CUL5: variants seen among roughly 807,000 people sequenced by gnomAD.
CUL5 encodes the protein cullin 5.
A neutral mutation model predicts 108.8 loss-of-function variants in CUL5; 26 were observed. That is an observed-to-expected ratio of 0.24 (90% CI 0.18 to 0.33). The LOEUF (loss-of-function observed/expected upper bound fraction) is 0.33. Ranked by LOEUF, CUL5 falls within the 10% of genes least tolerant of loss-of-function variation. CUL5 has a pLI of 1.00. For synonymous variants in CUL5, 334 were observed against 298.0 expected (o/e 1.12, Z -1.25); for missense variants, 524 against 909.2 (o/e 0.58, Z 5.45).
chr11:108,104,456 C>A lies in CUL5; in HGVS notation c.*72C>A. Reference sequence around the variant, plus strand: ...TGGGCAGAAAGTTGTAAAGTTTGTGCTGGAGAAAGGTTTATTTGGACTTTG... The same window carrying A: ...TGGGCAGAAAGTTGTAAAGTTTGTGATGGAGAAAGGTTTATTTGGACTTTG... On this transcript the variant is annotated 3_prime_UTR_variant, in exon 19 of 19. Transcript: ENST00000393094. 1 of 955,014 alleles carries A rather than the reference C, an allele frequency of 1.0e-6. No homozygotes were observed. Among genetic ancestry groups the A allele is most frequent in the Non-Finnish European group, 1.5e-6 (1 of 651,278 alleles). The allele number at this position is 955,014 out of a possible 1,614,324, so 59.2% of individuals were successfully genotyped here.
chr11:108,053,353 T>C (rs1863284883), intron 5 of CUL5, among the ~76,000 whole-genome samples: 1 of 152,212 alleles, frequency 6.6e-6, no homozygotes, highest in African/African-American at 2.4e-5. Flanking sequence ...ATGTCTTTAC[T>C]GAACATAGAA....
Position 108,009,378 on chromosome 11 carries a change from A to T in CUL5, c.24+6A>T. 1 of 1,613,354 alleles carries T rather than the reference A, an allele frequency of 6.2e-7. No homozygotes were observed. The highest frequency in any genetic ancestry group is 8.5e-7 in the Non-Finnish European group (1 of 1,179,668). On this transcript the variant is annotated splice_donor_region_variant and intron_variant, in intron 1 of 18. Coordinates refer to ENST00000393094, the MANE Select transcript of CUL5 (RefSeq NM_003478.6). ...CGACGTCTAATCTGTTAAAGGTAAG[A>T]CCCTCACTCCAGCTTGGGTTTTACT...
In CUL5 at chr11:108,031,271, A is replaced by G. The variant is rs573541372; in HGVS notation, c.25-2531A>G. Among the ~76,000 whole-genome samples, 103 of 151,954 alleles carry G rather than the reference A, an allele frequency of 6.8e-4. 1 individual carries two copies. In the Middle Eastern group the frequency reaches 0.017, roughly 25 times the overall value. ...ATCTCAGCTACTCGGAGGCTGAGGCATGAAAATCACCTGACCCTGGGAGGT... is the reference window on the plus strand; with the variant it reads ...ATCTCAGCTACTCGGAGGCTGAGGCGTGAAAATCACCTGACCCTGGGAGGT... On this transcript the variant is annotated intron_variant, in intron 1 of 18. Transcript: ENST00000393094.
intron 1 of CUL5, among the ~76,000 whole-genome samples, chr11:108,022,780 G>A (rs1430280346): frequency 6.6e-6 from 1 of 152,132 alleles, no homozygotes; most frequent in African/African-American, 2.4e-5. Context: ...CTGAGCCGGT[G>A]GTTCAAGACT....
chr11:108,068,738 T>C (rs2135176211), intron 7 of CUL5, among the ~76,000 whole-genome samples: 1 of 152,236 alleles, frequency 6.6e-6, no homozygotes. Flanking sequence ...AGTAAATAAT[T>C]ACATGACACG....
intron 2 of CUL5, among the ~76,000 whole-genome samples, chr11:108,041,982 T>C (rs1862929339): frequency 6.6e-6 from 1 of 152,176 alleles, no homozygotes. Flanking sequence ...TTACTTTTGT[T>C]ATAGTAAACT....
At chr11:108,047,832 T>C (rs775957554) in intron 3 of CUL5, among the ~76,000 whole-genome samples, 8 of 152,220 alleles carry the variant, frequency 5.3e-5, no homozygotes, top group Non-Finnish European at 1.0e-4. Flanking sequence ...AAATTATGTT[T>C]ATTTCAGATA....
At chr11:108,054,305 C>T (rs1029560321) in intron 5 of CUL5, among the ~76,000 whole-genome samples, 5 of 152,194 alleles carry the variant, frequency 3.3e-5, no homozygotes, top group Non-Finnish European at 4.4e-5. Context: ...TATTTACTTA[C>T]CTTACTAATC....
rs553755409 is a variant in CUL5 at position 108,072,324 on chromosome 11, C to G, written c.875-8C>G. ...AAATGATTACATGAATGTGTTCTCTCCTTCCAGAATTACATTTAATGTTTT... is the reference window on the plus strand; with the variant it reads ...AAATGATTACATGAATGTGTTCTCTGCTTCCAGAATTACATTTAATGTTTT... On this transcript the variant is annotated splice_polypyrimidine_tract_variant and splice_region_variant and intron_variant, in intron 8 of 18. Transcript: ENST00000393094. 1 of 1,589,348 alleles carries G rather than the reference C, an allele frequency of 6.3e-7. No individual in the cohort carries two copies. Among genetic ancestry groups the G allele is most frequent in the African/African-American group, 1.3e-5 (1 of 74,098 alleles).
chr11:108,013,361 C>T (rs1346065330), intron 1 of CUL5, among the ~76,000 whole-genome samples: 1 of 152,200 alleles, frequency 6.6e-6, no homozygotes, highest in Non-Finnish European at 1.5e-5. Flanking sequence ...GATCTGAGCT[C>T]TAGATCAAAA....
intron 2 of CUL5, 79 bp from the exon 3 acceptor site, chr11:108,046,189 CTG>C (rs1863063539): frequency 4.0e-6 from 4 of 989,350 alleles, no homozygotes; most frequent in African/African-American, 3.3e-5. Context: ...CCCATGGAAA[CTG>C]TACTGAAATA....
At chr11:108,050,525 C>A (rs1863189174) in intron 4 of CUL5, among the ~76,000 whole-genome samples, 1 of 152,054 alleles carries the variant, frequency 6.6e-6, no homozygotes, top group Admixed American at 6.6e-5. Flanking sequence ...TGCTACCACA[C>A]CCGGCTATTT....
intron 1 of CUL5, among the ~76,000 whole-genome samples, chr11:108,030,248 A>G (rs1862545895): frequency 2.0e-5 from 3 of 152,262 alleles, no homozygotes; most frequent in African/African-American, 7.2e-5. Context: ...GATTCATTTA[A>G]GTCCATAAGG....
Position 108,014,563 on chromosome 11 carries a change from G to A in CUL5, c.24+5191G>A, listed in dbSNP as rs754460500. ...ATAAATAAAAGTTATTATATTTTCT[G>A]TATATTTATAATCTGCTTGTGAGAT... On this transcript the variant is annotated intron_variant, in intron 1 of 18. Transcript: ENST00000393094. Among the ~76,000 whole-genome samples, 67 of 152,278 alleles carry A rather than the reference G, an allele frequency of 4.4e-4. 1 individual carries two copies. Among genetic ancestry groups the A allele is most frequent in the Non-Finnish European group, 8.4e-4 (57 of 68,018 alleles).
At chr11:108,076,797 G>C (rs1242632732) in intron 10 of CUL5, among the ~76,000 whole-genome samples, 1 of 152,202 alleles carries the variant, frequency 6.6e-6, no homozygotes, top group African/African-American at 2.4e-5. Context: ...TATTGAATCA[G>C]AAGTAGAATG....
Position 108,105,550 on chromosome 11 carries a change from A to G in CUL5, c.*1166A>G, listed in dbSNP as rs1170345265. The G allele has an allele frequency of 6.6e-6, 1 of 152,266 alleles. No homozygotes were observed. Among genetic ancestry groups the G allele is most frequent in the Non-Finnish European group, 1.5e-5 (1 of 67,994 alleles). The allele number at this position is 152,266 out of a possible 1,614,324, so 9.4% of individuals were successfully genotyped here. On this transcript the variant is annotated 3_prime_UTR_variant, in exon 19 of 19. Transcript: ENST00000393094. Reference sequence around the variant, plus strand: ...TATATATTTATATATTTTAAAAATAAACATTTTTTAAATCGTCAGAAGGCA... The same window carrying G: ...TATATATTTATATATTTTAAAAATAGACATTTTTTAAATCGTCAGAAGGCA...
In CUL5 at chr11:108,106,137, G is replaced by C. The variant is rs997927252; in HGVS notation, c.*1753G>C. Reference sequence around the variant, plus strand: ...TACAGTTTTCTCTAATTAGGTGACTGTTCATAATGGGTATATTTGGAATTT... The same window carrying C: ...TACAGTTTTCTCTAATTAGGTGACTCTTCATAATGGGTATATTTGGAATTT... On this transcript the variant is annotated 3_prime_UTR_variant, in exon 19 of 19. Coordinates refer to ENST00000393094, the MANE Select transcript of CUL5 (RefSeq NM_003478.6). 6.6e-6 allele frequency: 1 copy of C among 152,414 alleles called. No individual in the cohort carries two copies. The highest frequency in any genetic ancestry group is 2.4e-5 in the African/African-American group (1 of 41,442). The allele number at this position is 152,414 out of a possible 1,614,324, so 9.4% of individuals were successfully genotyped here.
chr11:108,070,165 A>G lies in CUL5; in HGVS notation c.850A>G (p.Met284Val). ...GACTATCTTAGCTGAGTGCCAAGGC[A>G]TGATCAAGAGAAATGAAACTGAAAG... is the stretch of plus-strand genomic sequence containing the variant. The part of the protein sequence containing the change: ...KETILAECQG[M>V]IKRNETEKLH... The change falls in exon 8 of 19, where the codon ATG becomes GTG. Residue 284 changes from methionine to valine, a missense_variant. Met to Val is a conservative substitution (Grantham distance 21). This residue lies in a region of CUL5 where 170 missense variants were observed against 305.1 expected (regional missense o/e 0.56). Coordinates refer to ENST00000393094, the MANE Select transcript of CUL5 (RefSeq NM_003478.6). The G allele has an allele frequency of 6.2e-7, 1 of 1,612,036 alleles. No homozygotes were observed. Among genetic ancestry groups the G allele is most frequent in the Non-Finnish European group, 8.5e-7 (1 of 1,178,550 alleles).
chr11:108,090,705 TTTA>T (rs1366634444), intron 13 of CUL5, among the ~76,000 whole-genome samples: 1 of 152,162 alleles, frequency 6.6e-6, no homozygotes, highest in African/African-American at 2.4e-5. Flanking sequence ...CTTTTTTTGT[TTTA>T]ATTATTAAAG....
Sources: gnomAD v4.1 joint callset for allele counts (sites outside exome capture counted in the v4.1 genomes callset) on GRCh38, gnomAD v4.1.1 for gene constraint, gnomAD v4.1.1 regional missense constraint, MANE v1.5 for transcripts, NCBI Gene and HGNC (gene_info 2026-07-23, HGNC 2026-07-21) for gene names.